Variants in IGF1 observed in about 807,000 individuals in gnomAD.
The protein encoded by IGF1 is insulin like growth factor 1, also known as insulin-like growth factor 1.
IGF1 carries 4 observed loss-of-function variants against 13.8 expected under a neutral mutation model. The observed-to-expected ratio is 0.29, with a 90% confidence interval of 0.14 to 0.66. The LOEUF (loss-of-function observed/expected upper bound fraction) is 0.66. Among genes scored for constraint, IGF1 ranks in the 30% least tolerant of loss-of-function variants. IGF1 has a pLI of 0.78. For missense variants in IGF1, 124 were observed against 188.5 expected, an observed-to-expected ratio of 0.66 and a Z score of 2.00; for synonymous variants, 76 against 72.6, an observed-to-expected ratio of 1.05 and a Z score of -0.23.
chr12:102,428,236 G>A (rs561403279), intron 2 of IGF1, among the ~76,000 whole-genome samples: 9 of 69,582 alleles, frequency 1.3e-4, no homozygotes, highest in Admixed American at 4.0e-4. Flanking sequence ...TCAATAATGT[G>A]TATATATATA....
intron 2 of IGF1, among the ~76,000 whole-genome samples, chr12:102,439,154 A>G (rs1248850987): frequency 6.6e-6 from 1 of 152,244 alleles, no homozygotes; most frequent in East Asian, 1.9e-4. Context: ...ACTGTTCATC[A>G]CTGTGTGTCC....
rs1222694813 is a variant in IGF1 at position 102,477,935 on chromosome 12, G to A, written c.64-2136C>T. Among the ~76,000 whole-genome samples, 5 of 151,238 alleles carry A rather than the reference G, an allele frequency of 3.3e-5. No individual in the cohort carries two copies. In the East Asian group the frequency reaches 5.8e-4, roughly 18 times the overall value. On this transcript the variant is annotated intron_variant, in intron 1 of 3. Transcript: ENST00000337514. Reference sequence around the variant, plus strand: ...CTAGTATAACACATTTAAGTGCAGCGATACATATAAGTCTCTGGAACTTAA... The same window carrying A: ...CTAGTATAACACATTTAAGTGCAGCAATACATATAAGTCTCTGGAACTTAA...
chr12:102,446,149 T>A (rs768801052), intron 2 of IGF1, among the ~76,000 whole-genome samples: 1 of 152,372 alleles, frequency 6.6e-6, no homozygotes. Flanking sequence ...AATTTTCATA[T>A]TGATGTTCAT....
intron 2 of IGF1, among the ~76,000 whole-genome samples, chr12:102,432,215 G>A (rs956052695): frequency 7.9e-5 from 12 of 152,196 alleles, no homozygotes; most frequent in African/African-American, 2.6e-4. Flanking sequence ...TTGCTATATA[G>A]TTTTCATAAT....
At chr12:102,426,034 G>T (rs1016697408) in intron 2 of IGF1, among the ~76,000 whole-genome samples, 5 of 152,152 alleles carry the variant, frequency 3.3e-5, no homozygotes, top group Non-Finnish European at 5.9e-5. Context: ...TTTCAGTGGG[G>T]CCTGCTATAT....
At chr12:102,457,454 AT>A (rs60874612) in intron 2 of IGF1, among the ~76,000 whole-genome samples, 2,172 of 152,122 alleles carry the variant, frequency 0.014, 49 homozygotes, top group African/African-American at 0.049. Flanking sequence ...AAAAGGAGGG[AT>A]TTTTTCCTAA....
chr12:102,402,281 A>C lies in IGF1; in HGVS notation c.*226T>G, dbSNP rs1873746822. 4.0e-6 allele frequency: 2 copies of C among 495,020 alleles called. No individual in the cohort carries two copies. Among genetic ancestry groups the C allele is most frequent in the Admixed American group, 3.4e-5 (1 of 29,434 alleles). The allele number at this position is 495,020 out of a possible 1,614,324, so 30.7% of individuals were successfully genotyped here. On this transcript the variant is annotated 3_prime_UTR_variant, in exon 4 of 4. Coordinates refer to ENST00000337514, the MANE Select transcript of IGF1 (RefSeq NM_000618.5). ...TTTTCTATAGAACATTATTGATAAA[A>C]GATCAACAGCAATCTACCAACTCCA...
In IGF1 at chr12:102,480,475, TCA is replaced by T. The variant is rs1881336349; in HGVS notation, c.-96_-95del. The T allele has an allele frequency of 5.0e-6, 8 of 1,594,986 alleles. No homozygotes were observed. The South Asian group carries it at 8.9e-5, about 18-fold the overall frequency. The stretch of plus-strand genomic sequence containing the variant: ...GAGATGGGAGATGTTGAGAGCAATG[TCA>T]CATTTCAATTTTGAGGACTTTATTC... On this transcript the variant is annotated 5_prime_UTR_variant, in exon 1 of 4. It removes the in-frame stop codon of an upstream open reading frame in the 5' UTR. Coordinates refer to ENST00000337514, the MANE Select transcript of IGF1 (RefSeq NM_000618.5).
At position 102,431,874 on chromosome 12, in the gene IGF1, C is replaced by T. The variant is rs115772477; in HGVS notation, c.221-12184G>A. ...CTTGAGAGAGAAGTCTGTGCACTTC[C>T]GCAGTTTAGGACATAGCTCTTGCAT... On this transcript the variant is annotated intron_variant, in intron 2 of 3. Transcript: ENST00000337514. Among the ~76,000 whole-genome samples, 458 of 152,246 alleles carry T rather than the reference C, an allele frequency of 3.0e-3. 2 individuals are homozygous for T. The highest frequency in any genetic ancestry group is 1.0e-2 in the African/African-American group (415 of 41,556).
intron 2 of IGF1, among the ~76,000 whole-genome samples, chr12:102,447,211 G>A (rs745638151): frequency 3.3e-5 from 5 of 152,124 alleles, no homozygotes; most frequent in East Asian, 1.9e-4. Context: ...GTTGATTTGC[G>A]GTGGAGAGTT....
intron 2 of IGF1, among the ~76,000 whole-genome samples, chr12:102,449,788 C>T (rs1373864865): frequency 2.0e-5 from 3 of 151,604 alleles, no homozygotes; most frequent in East Asian, 3.9e-4. Flanking sequence ...CCCTATAATT[C>T]GATGGTTCTT....
At chr12:102,434,602 A>G (rs1356066541) in intron 2 of IGF1, among the ~76,000 whole-genome samples, 3 of 151,326 alleles carry the variant, frequency 2.0e-5, no homozygotes, top group Admixed American at 6.6e-5. Context: ...TAATGCCGCA[A>G]TAAACATACG....
intron 2 of IGF1, among the ~76,000 whole-genome samples, chr12:102,449,092 T>A (rs908341468): frequency 5.9e-5 from 9 of 152,160 alleles, no homozygotes; most frequent in African/African-American, 1.9e-4. Context: ...TAAAGACACA[T>A]GCACATATAT....
At chr12:102,453,779 C>T (rs575624219) in intron 2 of IGF1, among the ~76,000 whole-genome samples, 5 of 152,172 alleles carry the variant, frequency 3.3e-5, no homozygotes, top group African/African-American at 9.7e-5. Context: ...AGGTACCATG[C>T]GTGCTTGAGT....
At chr12:102,447,889 T>A (rs1159762493) in intron 2 of IGF1, among the ~76,000 whole-genome samples, 1 of 152,078 alleles carries the variant, frequency 6.6e-6, no homozygotes, top group Non-Finnish European at 1.5e-5. Context: ...AAAACACCAA[T>A]AGCAATGGCA....
chr12:102,469,416 T>C (rs990292132), intron 2 of IGF1, among the ~76,000 whole-genome samples: 2 of 152,196 alleles, frequency 1.3e-5, no homozygotes, highest in African/African-American at 4.8e-5. Flanking sequence ...CTACTGCATA[T>C]CCTGGTGTAT....
intron 2 of IGF1, among the ~76,000 whole-genome samples, chr12:102,435,846 C>T (rs1877178711): frequency 6.6e-6 from 1 of 152,224 alleles, no homozygotes; most frequent in African/African-American, 2.4e-5. Flanking sequence ...TTTAGAGTTG[C>T]TGTTTCAACA....
chr12:102,441,531 A>T (rs1877716635), intron 2 of IGF1, among the ~76,000 whole-genome samples: 1 of 152,186 alleles, frequency 6.6e-6, no homozygotes, highest in African/African-American at 2.4e-5. Context: ...GGAGTGGGCC[A>T]TATTTGGGAA....
intron 2 of IGF1, among the ~76,000 whole-genome samples, chr12:102,438,984 TCC>T (rs1376425248): frequency 6.6e-6 from 1 of 152,138 alleles, no homozygotes; most frequent in African/African-American, 2.4e-5. Context: ...TTCTCTGTCC[TCC>T]CCCATACCCA....
Sources: allele counts gnomAD v4.1 joint callset (sites outside exome capture counted in the v4.1 genomes callset), GRCh38; gene constraint gnomAD v4.1.1; transcripts MANE v1.5; gene names NCBI Gene and HGNC (gene_info 2026-07-23, HGNC 2026-07-21).